The following NBEAL1 variants were observed in gnomAD, a reference collection of about 807,000 sequenced individuals.
The protein encoded by NBEAL1 is neurobeachin like 1.
A neutral mutation model predicts 351.3 loss-of-function variants in NBEAL1; 273 were observed. The observed-to-expected ratio is 0.78, with a 90% CI of 0.70 to 0.86. The LOEUF (loss-of-function observed/expected upper bound fraction) is 0.86. NBEAL1 is among the 40% of genes least tolerant of loss of function. The pLI, the probability that NBEAL1 is intolerant of heterozygous loss-of-function variation, is 0.00. For missense variants in NBEAL1, 2,961 were observed against 3,201.3 expected (o/e 0.92, Z 1.81); for synonymous variants, 1,050 against 1,086.4 (o/e 0.97, Z 0.66).
At chr2:203,154,934 C>CAAAAAA (rs55890648) in intron 35 of NBEAL1, among the ~76,000 whole-genome samples, 1 of 92,720 alleles carries the variant, frequency 1.1e-5, no homozygotes, top group African/African-American at 4.5e-5. Context: ...GACCTTGTCT[C>CAAAAAA]AAAAAAAAAA....
chr2:203,109,074 T>C (rs1215840257), intron 14 of NBEAL1, among the ~76,000 whole-genome samples: 1 of 151,888 alleles, frequency 6.6e-6, no homozygotes. Context: ...AAATGAATAA[T>C]GGCCGGGTGT....
intron 38 of NBEAL1, 67 bp downstream of exon 38, chr2:203,167,427 T>G: frequency 1.1e-5 from 16 of 1,407,198 alleles, no homozygotes; most frequent in South Asian, 1.4e-5. Context: ...TAGTGAGCTC[T>G]AATGGAACTT....
Position 203,174,789 on chromosome 2 carries a change from G to T in NBEAL1, c.6324-358G>T, listed in dbSNP as rs538613024. Among the ~76,000 whole-genome samples, 66 of 151,972 alleles carry T rather than the reference G, an allele frequency of 4.3e-4. 1 individual carries two copies. Among genetic ancestry groups the T allele is most frequent in the African/African-American group, 1.5e-3 (62 of 41,460 alleles). ...ACCTGTAGTCCCAGCTACTTGGGAG[G>T]CTGAGGCAGGAGAATGATGTGAACC... On this transcript the variant is annotated intron_variant, in intron 41 of 55. Coordinates refer to ENST00000683969, the MANE Select transcript of NBEAL1 (RefSeq NM_001378026.1).
At chr2:203,015,138 C>G (rs1229583551) in intron 1 of NBEAL1, among the ~76,000 whole-genome samples, 156 bp downstream of exon 1, 1 of 152,166 alleles carries the variant, frequency 6.6e-6, no homozygotes, top group Non-Finnish European at 1.5e-5. Context: ...GTAGTGCAGG[C>G]TGGGATCGCG....
chr2:203,075,011 A>C (rs1363402706), intron 7 of NBEAL1: 2 of 152,482 alleles, frequency 1.3e-5, no homozygotes, highest in Non-Finnish European at 2.9e-5. Context: ...GGCCACCAGA[A>C]GGTGGTGATG....
At chr2:203,071,812 G>A (rs1309810338) in intron 7 of NBEAL1, among the ~76,000 whole-genome samples, 1 of 152,218 alleles carries the variant, frequency 6.6e-6, no homozygotes, top group East Asian at 1.9e-4. Flanking sequence ...GGGAGACAGT[G>A]GAAGGAATAA....
In NBEAL1 at chr2:203,111,960, G is replaced by A. The variant is rs774235934; in HGVS notation, c.2083-19G>A. 5 of 1,541,194 alleles carry A rather than the reference G, an allele frequency of 3.2e-6. No homozygotes were observed. Among genetic ancestry groups the A allele is most frequent in the Non-Finnish European group, 3.5e-6 (4 of 1,144,912 alleles). ...CATAATGTAATTTTATCCTTTAAAT[G>A]TGTGTTTCACTTTACCAGCACAACA... On this transcript the variant is annotated intron_variant, in intron 15 of 55. Transcript: ENST00000683969.
chr2:203,167,300 A>G lies in NBEAL1; in HGVS notation c.5937A>G (p.Arg1979=), dbSNP rs2064163308. Residue 1979 remains arginine, a synonymous_variant, in exon 38 of 56, where the codon AGA becomes AGG. Transcript: ENST00000683969. ...EIHLRRYNLR[R]SALEIFHVDQ... is the part of the protein sequence containing the mutation. The stretch of plus-strand genomic sequence containing the variant: ...ATCTCCGGCGTTACAATTTAAGAAG[A>G]TCAGCCCTTGAGATTTTTCATGTTG... 2 of 1,613,424 alleles carry G rather than the reference A, an allele frequency of 1.2e-6. No homozygotes were observed. The highest frequency in any genetic ancestry group is 1.7e-6 in the Non-Finnish European group (2 of 1,179,714).
intron 16 of NBEAL1, among the ~76,000 whole-genome samples, chr2:203,112,633 C>A (rs1012399024): frequency 6.6e-6 from 1 of 152,076 alleles, no homozygotes; most frequent in Non-Finnish European, 1.5e-5. Context: ...TGGTTTTCAT[C>A]TCAGTGACCA....
At chr2:203,133,181 C>G (rs748906468) in intron 27 of NBEAL1, 35 bp downstream of exon 27, 38 of 902,128 alleles carry the variant, frequency 4.2e-5, no homozygotes, top group Non-Finnish European at 6.0e-5. Context: ...TTAATGATAG[C>G]AGCATCACCA....
At chr2:203,122,638 T>TC (rs2062855387) in intron 19 of NBEAL1, among the ~76,000 whole-genome samples, 1 of 152,236 alleles carries the variant, frequency 6.6e-6, no homozygotes, top group South Asian at 2.1e-4. Flanking sequence ...ACTGTCTGTG[T>TC]GGAGTTTGAA....
At chr2:203,126,775 A>G (rs1326605432) in intron 22 of NBEAL1, 49 bp from the exon 23 acceptor site, 5 of 1,534,756 alleles carry the variant, frequency 3.3e-6, no homozygotes. Flanking sequence ...ATAACTACCT[A>G]TTGACTTTAT....
chr2:203,166,217 T>G lies in NBEAL1; in HGVS notation c.5783T>G (p.Ile1928Arg). The G allele has an allele frequency of 6.2e-7, 1 of 1,609,918 alleles. No homozygotes were observed. Among genetic ancestry groups the G allele is most frequent in the Non-Finnish European group, 8.5e-7 (1 of 1,177,650 alleles). The part of the protein sequence containing the change: ...VLMEDCELIT[I>R]IDVIPGRLEI... The stretch of plus-strand genomic sequence containing the variant: ...ATGGAAGACTGTGAACTCATTACAA[T>G]AATTGATGTAATTCCTGGCAGATTA... The change falls in exon 37 of 56, where the codon ATA (isoleucine) becomes AGA (arginine). Residue 1928 changes from isoleucine to arginine, a missense_variant. Transcript: ENST00000683969.
chr2:203,049,576 A>G (rs1037157346), intron 3 of NBEAL1, among the ~76,000 whole-genome samples: 1 of 152,222 alleles, frequency 6.6e-6, no homozygotes, highest in Non-Finnish European at 1.5e-5. Context: ...CTGAAATAAG[A>G]AAAACCACTC....
intron 8 of NBEAL1, among the ~76,000 whole-genome samples, chr2:203,080,766 T>C (rs2061857904): frequency 6.6e-6 from 1 of 152,218 alleles, no homozygotes; most frequent in Non-Finnish European, 1.5e-5. Context: ...TTTTTCAGTG[T>C]AAGTTTGCTT....
At position 203,210,177 on chromosome 2, in the gene NBEAL1, A is replaced by G. The variant is rs865890449; in HGVS notation, c.7786-781A>G. On this transcript the variant is annotated intron_variant, in intron 53 of 55. Coordinates refer to ENST00000683969, the MANE Select transcript of NBEAL1 (RefSeq NM_001378026.1). ...CAGGAGTTCCAGACCAGCCTGGCCA[A>G]CATGGTGAAACCCCATCTCTACTAA... Among the ~76,000 whole-genome samples the G allele has an allele frequency of 1.1e-4, 17 of 151,884 alleles. No individual in the cohort carries two copies. In the South Asian group the frequency reaches 1.5e-3, roughly 13 times the overall value.
rs894789634 is a variant in NBEAL1 at position 203,126,054 on chromosome 2, C to T, written c.2946C>T (p.His982=). ...CTATCAACCAGGGCAATCTTATTCACTCCCATGGAGTTGCAACTCTTGGTG... is the reference window on the plus strand; with the variant it reads ...CTATCAACCAGGGCAATCTTATTCATTCCCATGGAGTTGCAACTCTTGGTG... ...RHPINQGNLI[H]SHGVATLGAL... is the part of the protein sequence containing the mutation. The change falls in exon 21 of 56, where the codon CAC becomes CAT. Residue 982 remains histidine (H), a synonymous_variant. Transcript: ENST00000683969. 2.6e-6 allele frequency: 4 copies of T among 1,544,394 alleles called. No individual in the cohort carries two copies. In the East Asian group the frequency reaches 9.8e-5, roughly 38 times the overall value.
chr2:203,216,558 T>C (rs1056019096), intron 55 of NBEAL1, among the ~76,000 whole-genome samples: 1 of 152,098 alleles, frequency 6.6e-6, no homozygotes, highest in African/African-American at 2.4e-5. Flanking sequence ...CTGGGCAATA[T>C]AGTGAGATCT....
intron 39 of NBEAL1, among the ~76,000 whole-genome samples, chr2:203,170,682 C>T (rs2064291443): frequency 6.6e-6 from 1 of 152,122 alleles, no homozygotes; most frequent in Admixed American, 6.5e-5. Context: ...AAGTGTTGCC[C>T]TTATTCAAGA....
Sources: gnomAD v4.1 joint callset for allele counts (sites outside exome capture counted in the v4.1 genomes callset) on GRCh38, gnomAD v4.1.1 for gene constraint, MANE v1.5 for transcripts, NCBI Gene and HGNC (gene_info 2026-07-23, HGNC 2026-07-21) for gene names.